DNAH6: variants seen among roughly 807,000 people sequenced by gnomAD.
DNAH6 encodes the protein axonemal beta dynein heavy chain 6.
DNAH6 carries 340 observed loss-of-function variants against 491.4 expected under a neutral mutation model. The observed-to-expected ratio is 0.69, with a 90% CI of 0.63 to 0.76. The LOEUF is 0.76. DNAH6 is among the 30% of genes least tolerant of loss of function. The pLI is 0.00. For missense variants in DNAH6, 4,443 were observed against 4,972.2 expected (o/e 0.89, Z 3.20); for synonymous variants, 1,603 against 1,686.1 (o/e 0.95, Z 1.21).
chr2:84,509,328 T>A, the DNAH6 span, among the ~76,000 whole-genome samples: 1 of 152,214 alleles, frequency 6.6e-6, no homozygotes, highest in Non-Finnish European at 1.5e-5. Flanking sequence ...TTTACCATTA[T>A]GTAATGGCCT....
In DNAH6 at chr2:84,593,077, A is replaced by G. The variant is rs150777824; in HGVS notation, c.2611-895A>G. Among the ~76,000 whole-genome samples the G allele has an allele frequency of 5.4e-4, 82 of 152,326 alleles. 2 individuals carry two copies. In the East Asian group the frequency reaches 0.015, roughly 28 times the overall value. On this transcript the variant is annotated intron_variant, in intron 16 of 76. Transcript: ENST00000389394. The stretch of plus-strand genomic sequence containing the variant: ...ACACTTAAAAATTTATTAAAAGAAT[A>G]GATCTCATGTAATGTGTTTTTTACC...
At chr2:84,629,082 A>G (rs1445452698) in intron 29 of DNAH6, among the ~76,000 whole-genome samples, 1 of 152,162 alleles carries the variant, frequency 6.6e-6, no homozygotes, top group African/African-American at 2.4e-5. Context: ...TATGAGATTC[A>G]TCCAGGCTAA....
Position 84,670,382 on chromosome 2 carries a change from C to G in DNAH6, c.6361C>G (p.Pro2121Ala), listed in dbSNP as rs1478595471. The G allele has an allele frequency of 6.5e-7, 1 of 1,543,934 alleles. No homozygotes were observed. The highest frequency in any genetic ancestry group is 1.4e-5 in the African/African-American group (1 of 72,894). Residue 2121 changes from proline (P) to alanine (A), a missense_variant, in exon 39 of 77, where the codon CCT becomes GCT. Around this residue, in one of 3 missense-constraint regions of DNAH6, gnomAD observed 2,977 missense variants for 3,296.6 expected, o/e 0.90. Transcript: ENST00000389394. ...NKIQESAGYVPVYLNFSAQTS... is the reference protein window; with the variant it reads ...NKIQESAGYVAVYLNFSAQTS... ...AATTCAAGAATCAGCTGGCTATGTC[C>G]CTGTTTATCTAAATTTTTCTGCTCA...
intron 68 of DNAH6, among the ~76,000 whole-genome samples, chr2:84,790,423 A>G (rs375570758): frequency 6.6e-6 from 1 of 152,224 alleles, no homozygotes; most frequent in African/African-American, 2.4e-5. Flanking sequence ...ACACTTCAAC[A>G]CACACCATCA....
chr2:84,760,140 T>G (rs1674427638), intron 63 of DNAH6, among the ~76,000 whole-genome samples: 1 of 152,026 alleles, frequency 6.6e-6, no homozygotes, highest in African/African-American at 2.4e-5. Flanking sequence ...TGGATCCCTA[T>G]CTCTCACTAT....
the DNAH6 span, among the ~76,000 whole-genome samples, chr2:84,484,646 C>G: frequency 1.3e-5 from 2 of 152,194 alleles, no homozygotes; most frequent in Non-Finnish European, 2.9e-5. Flanking sequence ...TCACATCTCC[C>G]TCTGAACACA....
intron 48 of DNAH6, among the ~76,000 whole-genome samples, chr2:84,700,772 G>A (rs1047504879): frequency 3.3e-5 from 5 of 152,184 alleles, no homozygotes; most frequent in East Asian, 1.9e-4. Flanking sequence ...GAGTGAGGAC[G>A]TAAGGTCCCT....
intron 4 of DNAH6, among the ~76,000 whole-genome samples, chr2:84,540,246 T>C (rs1230354952): frequency 6.6e-6 from 1 of 152,226 alleles, no homozygotes; most frequent in Admixed American, 6.5e-5. Flanking sequence ...GAAATCAGCC[T>C]GATTGAAGAG....
chr2:84,529,213 G>T, intron 4 of DNAH6, 47 bp downstream of exon 4: 4 of 1,317,698 alleles, frequency 3.0e-6, no homozygotes, highest in Non-Finnish European at 4.1e-6. Context: ...TTACAAATAA[G>T]ATTTCACATA....
Position 84,797,392 on chromosome 2 carries a change from A to G in DNAH6, c.11360-145A>G. On this transcript the variant is annotated intron_variant, in intron 69 of 76. Transcript: ENST00000389394. ...CAAAACTAGACACAGCAATGAAAGC[A>G]TGAAAGCTTAGGAAAAACAATCCCC... 4.2e-6 allele frequency: 3 copies of G among 716,630 alleles called. No homozygotes were observed. The East Asian group carries it at 8.2e-5, about 20-fold the overall frequency. 44.4% of individuals were successfully genotyped at this position (716,630 alleles called of 1,614,324 possible).
rs1488393254 is a variant in DNAH6 at position 84,595,617 on chromosome 2, G to A, written c.2725-29G>A. On this transcript the variant is annotated intron_variant, in intron 17 of 76. Transcript: ENST00000389394. ...TGACTTTTACTTTATGTTTTAACTT[G>A]TTTTGCTTTGTTTTTAAATTTTTCA... is the stretch of plus-strand genomic sequence containing the variant. 4.6e-6 allele frequency: 7 copies of A among 1,507,874 alleles called. No homozygotes were observed. The African/African-American group carries it at 8.5e-5, about 18-fold the overall frequency. The allele number at this position is 1,507,874 out of a possible 1,614,324, so 93.4% of individuals were successfully genotyped here. A position where few individuals can be genotyped will look rare whatever the true frequency, so the allele number is the denominator to read the frequency against.
rs371043888 is a variant in DNAH6, at chr2:84,654,731, A to G, written c.5706A>G (p.Glu1902=). Residue 1902 remains glutamate (E), a synonymous_variant, in exon 35 of 77, where the codon GAA becomes GAG. Transcript: ENST00000389394. ...RCGMVFVDPE[E]LKWMPYVKTW... ...GAATGGTGTTTGTGGATCCTGAAGA[A>G]CTGAAATGGATGCCTTATGTTAAAA... is the stretch of plus-strand genomic sequence containing the variant. 1.3e-5 allele frequency: 20 copies of G among 1,551,246 alleles called. No homozygotes were observed. The highest frequency in any genetic ancestry group is 1.7e-5 in the Non-Finnish European group (20 of 1,146,446).
intron 23 of DNAH6, 108 bp from the exon 24 acceptor site, chr2:84,619,577 G>C: frequency 1.0e-6 from 1 of 981,140 alleles, no homozygotes; most frequent in Non-Finnish European, 1.5e-6. Context: ...TGGAGGTCCA[G>C]GAAATTGGTG....
intron 63 of DNAH6, among the ~76,000 whole-genome samples, chr2:84,746,848 T>C (rs552278369): frequency 2.6e-4 from 39 of 152,190 alleles, no homozygotes; most frequent in Non-Finnish European, 4.3e-4. Context: ...CTTTTACATA[T>C]GGTGAAAGGC....
intron 59 of DNAH6, among the ~76,000 whole-genome samples, chr2:84,722,242 T>C (rs1167660768): frequency 6.6e-6 from 1 of 152,220 alleles, no homozygotes; most frequent in Non-Finnish European, 1.5e-5. Flanking sequence ...TGGGTATCCC[T>C]TCTCCTTTCA....
chr2:84,576,745 C>T (rs1682486557), intron 12 of DNAH6, among the ~76,000 whole-genome samples: 1 of 152,082 alleles, frequency 6.6e-6, no homozygotes, highest in Non-Finnish European at 1.5e-5. Context: ...GCAGCATATG[C>T]AAATTGACAA....
intron 4 of DNAH6, among the ~76,000 whole-genome samples, chr2:84,537,359 C>G (rs536154090): frequency 6.6e-6 from 1 of 152,050 alleles, no homozygotes; most frequent in African/African-American, 2.4e-5. Flanking sequence ...GAAATCTATG[C>G]TTATGGGGTT....
intron 15 of DNAH6, among the ~76,000 whole-genome samples, chr2:84,586,701 A>G (rs971500373): frequency 9.2e-5 from 14 of 152,190 alleles, no homozygotes; most frequent in Non-Finnish European, 2.9e-5. Flanking sequence ...CACATTTTAC[A>G]GAAAAGGAAA....
the DNAH6 span, among the ~76,000 whole-genome samples, chr2:84,505,752 C>T: frequency 6.6e-6 from 1 of 152,152 alleles, no homozygotes; most frequent in Non-Finnish European, 1.5e-5. Context: ...TGTTCCCCTT[C>T]CTGTGTCCGT....
Sources: gnomAD v4.1 joint callset for allele counts (sites outside exome capture counted in the v4.1 genomes callset) on GRCh38, gnomAD v4.1.1 for gene constraint, gnomAD v4.1.1 regional missense constraint, MANE v1.5 for transcripts, NCBI Gene and HGNC (gene_info 2026-07-23, HGNC 2026-07-21) for gene names.